The following PAQR5 variants were observed in gnomAD, a reference collection of about 807,000 sequenced individuals.
The protein encoded by PAQR5 is progestin and adipoQ receptor family member 5, also known as membrane progestin receptor gamma.
A neutral mutation model predicts 34.5 loss-of-function variants in PAQR5; 20 were observed. The ratio of observed to expected loss-of-function variants is 0.58; its 90% CI spans 0.41 to 0.84. The LOEUF is 0.84. PAQR5 is among the 40% of genes least tolerant of loss of function. The pLI is 0.00. For synonymous variants in PAQR5, 131 were observed against 155.6 expected (o/e 0.84, Z 1.18); for missense variants, 378 against 412.7 (o/e 0.92, Z 0.73).
At chr15:69,361,706 C>A (rs964794933) in intron 3 of PAQR5, among the ~76,000 whole-genome samples, 51 of 152,292 alleles carry the variant, frequency 3.3e-4, no homozygotes, top group African/African-American at 1.1e-3. Context: ...GGGGACAACA[C>A]CCCCATGATC....
intron 1 of PAQR5, among the ~76,000 whole-genome samples, chr15:69,327,075 C>G (rs1325495616): frequency 6.6e-6 from 1 of 152,038 alleles, no homozygotes; most frequent in Non-Finnish European, 1.5e-5. Flanking sequence ...CAACCTCGAC[C>G]TCAGGCTCAT....
chr15:69,327,882 G>A (rs894854788), intron 1 of PAQR5, among the ~76,000 whole-genome samples: 2 of 152,116 alleles, frequency 1.3e-5, no homozygotes, highest in African/African-American at 2.4e-5. Flanking sequence ...AGAGTCAAGC[G>A]ATTCTCCTGC....
intron 7 of PAQR5, 121 bp downstream of exon 7, chr15:69,397,685 A>C (rs1595945894): frequency 4.1e-6 from 3 of 731,300 alleles, no homozygotes; most frequent in Non-Finnish European, 7.4e-6. Context: ...AGGAGTCGAG[A>C]CCCAGGTGAA....
At chr15:69,353,849 A>G (rs2054989218) in intron 2 of PAQR5, among the ~76,000 whole-genome samples, 1 of 152,180 alleles carries the variant, frequency 6.6e-6, no homozygotes, top group Non-Finnish European at 1.5e-5. Context: ...AGACACAACA[A>G]TGATTCCACT....
chr15:69,346,626 T>A (rs933198229), intron 2 of PAQR5, among the ~76,000 whole-genome samples: 2 of 150,694 alleles, frequency 1.3e-5, no homozygotes, highest in South Asian at 2.1e-4. Flanking sequence ...CTGCAATTTT[T>A]TTTTTTTTTT....
chr15:69,385,020 T>C lies in PAQR5; in HGVS notation c.385+138T>C, dbSNP rs1358455849. The stretch of plus-strand genomic sequence containing the variant: ...ATTATGCCAGTGCCCCTGTCCAGGT[T>C]CCCAATGGGTGTTTTATAAGAAACT... On this transcript the variant is annotated intron_variant, in intron 5 of 8. Coordinates refer to ENST00000395407, the MANE Select transcript of PAQR5 (RefSeq NM_017705.4). The surrounding 1 kb of genome is among the most constrained non-coding windows in gnomAD (Gnocchi z 4.7). 4 of 641,730 alleles carry C rather than the reference T, an allele frequency of 6.2e-6. No individual in the cohort carries two copies. Among genetic ancestry groups the C allele is most frequent in the African/African-American group, 1.8e-5 (1 of 54,512 alleles). The allele number at this position is 641,730 out of a possible 1,614,324, so 39.8% of individuals were successfully genotyped here. A position where few individuals can be genotyped will look rare whatever the true frequency, so the allele number is the denominator to read the frequency against.
intron 1 of PAQR5, among the ~76,000 whole-genome samples, chr15:69,310,994 G>C (rs562326402): frequency 1.7e-4 from 23 of 131,632 alleles, no homozygotes; most frequent in African/African-American, 6.7e-4. Context: ...AGCCGAGATC[G>C]CGCCACTGCA....
intron 2 of PAQR5, among the ~76,000 whole-genome samples, chr15:69,357,671 T>G (rs1021199506): frequency 2.0e-5 from 3 of 152,244 alleles, no homozygotes; most frequent in Non-Finnish European, 4.4e-5. Context: ...GTATTGTGAA[T>G]AATGCTTCTA....
chr15:69,376,673 TC>T (rs2055715529), intron 3 of PAQR5, among the ~76,000 whole-genome samples: 1 of 152,182 alleles, frequency 6.6e-6, no homozygotes, highest in African/African-American at 2.4e-5. Context: ...GGGCTTCCCA[TC>T]CTTGTCTGGG....
chr15:69,403,489 C>G (rs1243170555), intron 8 of PAQR5, 92 bp from the exon 9 acceptor site: 1 of 1,249,340 alleles, frequency 8.0e-7, no homozygotes, highest in Non-Finnish European at 1.1e-6. Flanking sequence ...GTTTCTTTCA[C>G]TTAGCATCAT....
intron 3 of PAQR5, among the ~76,000 whole-genome samples, chr15:69,373,084 A>G (rs2055607077): frequency 6.6e-6 from 1 of 152,074 alleles, no homozygotes; most frequent in Non-Finnish European, 1.5e-5. Context: ...TCACATCAGC[A>G]ATGTTGCATC....
intron 2 of PAQR5, among the ~76,000 whole-genome samples, chr15:69,345,941 AAAAACAAAAT>A (rs1301302455): frequency 2.0e-5 from 3 of 152,202 alleles, no homozygotes; most frequent in African/African-American, 7.2e-5. Context: ...CCCTTTCTTT[AAAAACAAAAT>A]AAAACAAATG....
intron 1 of PAQR5, among the ~76,000 whole-genome samples, chr15:69,310,840 C>A (rs1254496290): frequency 1.3e-5 from 2 of 151,710 alleles, no homozygotes; most frequent in African/African-American, 2.4e-5. Flanking sequence ...AGATCAAGAC[C>A]ATCCTGGCTA....
At chr15:69,306,886 T>C (rs1412077121) in intron 1 of PAQR5, among the ~76,000 whole-genome samples, 1 of 152,154 alleles carries the variant, frequency 6.6e-6, no homozygotes, top group Non-Finnish European at 1.5e-5. Flanking sequence ...ATCCTTTCCG[T>C]CTTTTTATGA....
chr15:69,384,999 T>C, intron 5 of PAQR5, 117 bp downstream of exon 5: 1 of 715,834 alleles, frequency 1.4e-6, no homozygotes, highest in Non-Finnish European at 2.4e-6. Flanking sequence ...CCAGGGATTA[T>C]GCCAGTGCCC....
At position 69,404,377 on chromosome 15, in the gene PAQR5, C is replaced by T. The variant is rs947815176; in HGVS notation, c.*555C>T. The T allele has an allele frequency of 6.5e-6, 1 of 153,034 alleles. No individual in the cohort carries two copies. Among genetic ancestry groups the T allele is most frequent in the Non-Finnish European group, 1.5e-5 (1 of 68,678 alleles). 9.5% of individuals were successfully genotyped at this position (153,034 alleles called of 1,614,324 possible). On this transcript the variant is annotated 3_prime_UTR_variant, in exon 9 of 9. Transcript: ENST00000395407. ...GGGAGAGCCCTTCTTCCCTTCTCCA[C>T]CTAGTGAAGGGAGAACAGAAGGGGA...
At chr15:69,391,159 C>T (rs1010868806) in intron 6 of PAQR5, 6 of 152,886 alleles carry the variant, frequency 3.9e-5, no homozygotes, top group East Asian at 1.9e-4. Flanking sequence ...CCCCCCTCTC[C>T]CCAGGAAAAA....
chr15:69,390,344 A>ATTTTTTTT lies in PAQR5; in HGVS notation c.512+567_512+568insTTTTTTTT, dbSNP rs201375546. Reference sequence around the variant, plus strand: ...TTTTTATTTATTTATTTATTTATTTATTTATTTATTTATTTATTTTTTTGA... The same window carrying ATTTTTTTT: ...TTTTTATTTATTTATTTATTTATTTATTTTTTTTTTTATTTATTTATTTATTTTTTTGA... On this transcript the variant is annotated intron_variant, in intron 6 of 8. Coordinates refer to ENST00000395407, the MANE Select transcript of PAQR5 (RefSeq NM_017705.4). Among the ~76,000 whole-genome samples the ATTTTTTTT allele has an allele frequency of 4.5e-4, 53 of 119,054 alleles. 1 individual carries two copies. Among genetic ancestry groups the ATTTTTTTT allele is most frequent in the Non-Finnish European group, 7.1e-4 (38 of 53,310 alleles). 78.1% of individuals were successfully genotyped at this position (119,054 alleles called of 152,430 possible).
At chr15:69,336,608 T>C (rs4290431) in intron 1 of PAQR5, among the ~76,000 whole-genome samples, 142,186 of 152,232 alleles carry the variant, frequency 0.93, 67,190 homozygotes, top group East Asian at 1. Flanking sequence ...ATTGTTGTCT[T>C]ATTTTGGTCC....
Sources: gnomAD v4.1 joint callset for allele counts (sites outside exome capture counted in the v4.1 genomes callset) on GRCh38, gnomAD v4.1.1 for gene constraint, Gnocchi (gnomAD v3.1) non-coding constraint, MANE v1.5 for transcripts, NCBI Gene and HGNC (gene_info 2026-07-23, HGNC 2026-07-21) for gene names.